The following PHEX variants were observed in gnomAD, a reference collection of about 807,000 sequenced individuals.
PHEX encodes the protein phosphate-regulating neutral endopeptidase PHEX.
A neutral mutation model predicts 68.0 loss-of-function variants in PHEX; 16 were observed. That is an observed-to-expected ratio of 0.24 (90% CI 0.16 to 0.36). The LOEUF (loss-of-function observed/expected upper bound fraction) is 0.36, where lower values mean the gene tolerates loss of function less well. Among genes scored for constraint, PHEX ranks in the 10% least tolerant of loss-of-function variants. The pLI is 1.00. For synonymous variants in PHEX, 208 were observed against 205.1 expected, an observed-to-expected ratio of 1.01 and a Z score of -0.12; for missense variants, 480 against 575.5, an observed-to-expected ratio of 0.83 and a Z score of 1.70.
At chrX:22,068,247 T>G (rs1928704035) in intron 3 of PHEX, among the ~76,000 whole-genome samples, 1 of 111,888 alleles carries the variant, frequency 8.9e-6, no homozygotes. Flanking sequence ...TTTGTTCTGT[T>G]CTAACCTCAC....
At chrX:22,109,065 A>G (rs1930837688) in intron 9 of PHEX, among the ~76,000 whole-genome samples, 1 of 112,008 alleles carries the variant, frequency 8.9e-6, no homozygotes, top group African/African-American at 3.2e-5. Context: ...CTTGCAGGAA[A>G]CAGGAATTGA....
At chrX:22,068,808 T>C (rs1928742520) in intron 3 of PHEX, among the ~76,000 whole-genome samples, 1 of 111,868 alleles carries the variant, frequency 8.9e-6, no homozygotes, top group Non-Finnish European at 1.9e-5. Context: ...CATACACGGC[T>C]TTTTCCTTGT....
intron 2 of PHEX, among the ~76,000 whole-genome samples, chrX:22,041,303 T>A (rs892816589): frequency 3.5e-5 from 3 of 86,241 alleles, no homozygotes; most frequent in Non-Finnish European, 2.2e-5. Flanking sequence ...ATATATATAT[T>A]TTAACCAGGC....
chrX:22,211,850 G>A (rs1934935325), intron 15 of PHEX, among the ~76,000 whole-genome samples: 1 of 111,965 alleles, frequency 8.9e-6, no homozygotes, highest in Admixed American at 9.5e-5. Flanking sequence ...CATGGCGGCA[G>A]GCAAGAGAGC....
intron 20 of PHEX, among the ~76,000 whole-genome samples, chrX:22,228,745 T>C (rs1386507163): frequency 2.0e-5 from 2 of 102,084 alleles, no homozygotes; most frequent in Admixed American, 2.0e-4. Flanking sequence ...AAAAAAATTA[T>C]ACTTTAAGTT....
Position 22,038,529 on chromosome X carries a change from T to G in PHEX, c.179T>G (p.Ile60Ser), listed in dbSNP as rs756452995. ...GAGTACTGCCTGAAGCCAGAATGCA[T>G]CGAAGCGGGTAAGTCACAGTTTTCC... ...KQEYCLKPEC[I>S]EAAAAILSKV... The change falls in exon 2 of 22, where the codon ATC becomes AGC. Residue 60 changes from isoleucine to serine, a missense_variant. Physicochemically the swap from Ile to Ser is moderately radical, Grantham distance 142. Transcript: ENST00000379374. 1.7e-6 allele frequency: 2 copies of G among 1,172,496 alleles called. No individual in the cohort carries two copies. The highest frequency in any genetic ancestry group is 2.3e-6 in the Non-Finnish European group (2 of 861,229).
chrX:22,119,443 C>T (rs764930730), intron 11 of PHEX, among the ~76,000 whole-genome samples: 2 of 111,449 alleles, frequency 1.8e-5, no homozygotes, highest in Non-Finnish European at 3.8e-5. Context: ...ATGATGCTCT[C>T]GTTCCACTGT....
chrX:22,128,113 C>T (rs1293072834), intron 11 of PHEX, among the ~76,000 whole-genome samples: 1 of 111,710 alleles, frequency 9.0e-6, no homozygotes. Context: ...GGCTGGAGTG[C>T]TGTGGCGCGA....
intron 15 of PHEX, among the ~76,000 whole-genome samples, chrX:22,197,839 C>G (rs770820845): frequency 9.1e-6 from 1 of 110,137 alleles, no homozygotes; most frequent in East Asian, 2.8e-4. Flanking sequence ...TGAAGTATGA[C>G]AGTTTGATTT....
chrX:22,230,982 C>A (rs757490892), intron 20 of PHEX, among the ~76,000 whole-genome samples: 1 of 111,975 alleles, frequency 8.9e-6, no homozygotes, highest in East Asian at 2.8e-4. Flanking sequence ...GAGTTTTTAG[C>A]ATCAAGGGGT....
chrX:22,076,285 T>C (rs1477479955), intron 3 of PHEX, 103 bp from the exon 4 acceptor site: 4 of 577,512 alleles, frequency 6.9e-6, no homozygotes, highest in Non-Finnish European at 3.0e-6. Context: ...TTGTCTGTCT[T>C]TGTATTTAAT....
At chrX:22,106,267 C>T (rs781300682) in intron 9 of PHEX, among the ~76,000 whole-genome samples, 1 of 111,723 alleles carries the variant, frequency 9.0e-6, no homozygotes, top group African/African-American at 3.3e-5. Context: ...TTATAACACA[C>T]TGAAGAAACT....
At chrX:22,122,984 A>ATTTTTTTTTTTTTTTTTTTTTTTTTTT (rs34894623) in intron 11 of PHEX, among the ~76,000 whole-genome samples, 1 of 72,290 alleles carries the variant, frequency 1.4e-5, no homozygotes, top group Non-Finnish European at 2.5e-5. Flanking sequence ...TAGGGTCTGC[A>ATTTTTTTTTTTTTTTTTTTTTTTTTTT]TTTTTTTTTT....
chrX:22,062,066 A>G (rs1175696602), intron 3 of PHEX, among the ~76,000 whole-genome samples: 4 of 111,336 alleles, frequency 3.6e-5, no homozygotes, highest in African/African-American at 1.3e-4. Flanking sequence ...CTCATTCACT[A>G]TCACGAGAAC....
At chrX:22,043,291 G>C (rs1281258996) in intron 2 of PHEX, among the ~76,000 whole-genome samples, 1 of 112,113 alleles carries the variant, frequency 8.9e-6, no homozygotes, top group East Asian at 2.8e-4. Flanking sequence ...ACTTTTTCTG[G>C]TGTATGTCTC....
chrX:22,086,858 A>G (rs1929649314), intron 5 of PHEX, among the ~76,000 whole-genome samples: 1 of 112,325 alleles, frequency 8.9e-6, no homozygotes, highest in Admixed American at 9.5e-5. Flanking sequence ...TTATATTTTC[A>G]GTTAAATGTG....
chrX:22,099,190 T>C (rs930073324), intron 9 of PHEX, 39 bp downstream of exon 9: 2 of 1,140,616 alleles, frequency 1.8e-6, no homozygotes, highest in African/African-American at 3.6e-5. Flanking sequence ...GACTTTTGTG[T>C]TTTCTTTAAA....
intron 6 of PHEX, 112 bp downstream of exon 6, chrX:22,090,609 A>G (rs1929839367): frequency 3.7e-6 from 2 of 541,981 alleles, no homozygotes; most frequent in African/African-American, 2.3e-5. Context: ...TTCAATGACC[A>G]TATTCCCAAT....
At chrX:22,210,668 T>C (rs1934891783) in intron 15 of PHEX, among the ~76,000 whole-genome samples, 1 of 111,276 alleles carries the variant, frequency 9.0e-6, no homozygotes, top group African/African-American at 3.3e-5. Flanking sequence ...GCCACAAATA[T>C]TTAAGGAAAT....
Sources: gnomAD v4.1 joint callset for allele counts (sites outside exome capture counted in the v4.1 genomes callset) on GRCh38, gnomAD v4.1.1 for gene constraint, MANE v1.5 for transcripts, NCBI Gene and HGNC (gene_info 2026-07-23, HGNC 2026-07-21) for gene names.